Variants in CSMD2 observed in about 807,000 individuals in gnomAD.
CSMD2 encodes the protein CUB and Sushi multiple domains 2.
CSMD2 carries 130 observed loss-of-function variants against 398.5 expected under a neutral mutation model. The observed-to-expected ratio is 0.33, with a 90% CI of 0.28 to 0.38. The LOEUF is 0.38. Ranked by LOEUF, CSMD2 falls within the 10% of genes least tolerant of loss-of-function variation. The pLI is 1.00. For missense variants in CSMD2, 3,829 were observed against 4,764.9 expected (o/e 0.80, Z 5.78); for synonymous variants, 1,828 against 1,908.5 (o/e 0.96, Z 1.10).
intron 53 of CSMD2, among the ~76,000 whole-genome samples, chr1:33,566,676 A>G (rs953352333): frequency 1.3e-5 from 2 of 152,190 alleles, no homozygotes; most frequent in Non-Finnish European, 2.9e-5. Context: ...TAGCTAAAAA[A>G]TGTTAAAAGT....
At position 33,953,404 on chromosome 1, in the gene CSMD2, G is replaced by A. The variant is rs192569485; in HGVS notation, c.518-17450C>T. ...TTCTCTCACATGCCCCTGAATCCTC[G>A]CACAGTCTGTCTGTCCTGCAGCCTC... On this transcript the variant is annotated intron_variant, in intron 3 of 70. Transcript: ENST00000373381. 1.3e-4 allele frequency among the ~76,000 whole-genome samples: 20 copies of A among 152,188 alleles called. 1 individual carries two copies. Among genetic ancestry groups the A allele is most frequent in the African/African-American group, 3.9e-4 (16 of 41,500 alleles).
chr1:33,581,345 C>T (rs1638685748), intron 47 of CSMD2, among the ~76,000 whole-genome samples: 1 of 132,108 alleles, frequency 7.6e-6, no homozygotes, highest in South Asian at 2.4e-4. Flanking sequence ...AGCAAGACCC[C>T]ATCTTTACTA....
In CSMD2 at chr1:33,935,673, G is replaced by A. The variant is rs889974751; in HGVS notation, c.712+87C>T. 4 of 1,363,518 alleles carry A rather than the reference G, an allele frequency of 2.9e-6. No homozygotes were observed. The African/African-American group carries it at 5.8e-5, about 20-fold the overall frequency. The allele number at this position is 1,363,518 out of a possible 1,614,324, so 84.5% of individuals were successfully genotyped here. ...CCCCTCCCTGCTGGGGTGTAGCTTTGCCCTTTGAGACTGGATGTCACTGGA... is the reference window on the plus strand; with the variant it reads ...CCCCTCCCTGCTGGGGTGTAGCTTTACCCTTTGAGACTGGATGTCACTGGA... On this transcript the variant is annotated intron_variant, in intron 4 of 70. Coordinates refer to ENST00000373381, the MANE Select transcript of CSMD2 (RefSeq NM_001281956.2).
chr1:33,994,382 G>A (rs1028030689), intron 3 of CSMD2, among the ~76,000 whole-genome samples: 1 of 152,036 alleles, frequency 6.6e-6, no homozygotes, highest in African/African-American at 2.4e-5. Flanking sequence ...TCCAGAGCTA[G>A]CTGAGTGACC....
intron 29 of CSMD2, among the ~76,000 whole-genome samples, chr1:33,643,305 T>G (rs2148937072): frequency 6.6e-6 from 1 of 152,372 alleles, no homozygotes; most frequent in South Asian, 2.1e-4. Context: ...ATATTCATGT[T>G]ATAAATATCC....
chr1:33,608,554 A>G (rs1357021529), intron 41 of CSMD2, among the ~76,000 whole-genome samples: 1 of 152,196 alleles, frequency 6.6e-6, no homozygotes, highest in Non-Finnish European at 1.5e-5. Flanking sequence ...CAGGATCTTT[A>G]CCAAACTTAT....
chr1:33,928,853 A>G (rs912487824), intron 4 of CSMD2, among the ~76,000 whole-genome samples: 1 of 152,140 alleles, frequency 6.6e-6, no homozygotes, highest in African/African-American at 2.4e-5. Context: ...AAATTTGATC[A>G]ACACAATGGT....
intron 32 of CSMD2, among the ~76,000 whole-genome samples, chr1:33,631,062 A>AT (rs1642437997): frequency 6.6e-6 from 1 of 152,058 alleles, no homozygotes; most frequent in Non-Finnish European, 1.5e-5. Context: ...GCAGAGATTA[A>AT]TAAAAAAAAG....
chr1:33,777,695 A>G lies in CSMD2; in HGVS notation c.1664-4944T>C, dbSNP rs186555484. ...CTCTCTCCTTTTGCCTACCAAAAGC[A>G]AACTGGAAAACATGAGATGATTGCT... On this transcript the variant is annotated intron_variant, in intron 12 of 70. Transcript: ENST00000373381. 5.4e-4 allele frequency among the ~76,000 whole-genome samples: 82 copies of G among 152,320 alleles called. 2 individuals are homozygous for G. In the East Asian group the frequency reaches 0.015, roughly 29 times the overall value.
At chr1:34,135,781 TATATG>T (rs1274981131) in intron 1 of CSMD2, among the ~76,000 whole-genome samples, 1 of 152,066 alleles carries the variant, frequency 6.6e-6, no homozygotes, top group African/African-American at 2.4e-5. Context: ...CAGAGTAATG[TATATG>T]ATATATCTAC....
intron 36 of CSMD2, among the ~76,000 whole-genome samples, chr1:33,622,656 G>A (rs1413447915): frequency 6.6e-6 from 1 of 152,216 alleles, no homozygotes; most frequent in African/African-American, 2.4e-5. Flanking sequence ...GCCACCTAGA[G>A]TTCTGGGCCT....
intron 5 of CSMD2, among the ~76,000 whole-genome samples, chr1:33,857,492 G>A (rs962059793): frequency 4.6e-5 from 7 of 152,056 alleles, no homozygotes; most frequent in South Asian, 2.1e-4. Flanking sequence ...TGCTACAAAG[G>A]CCCTCTCTCG....
chr1:34,089,295 C>T (rs776831723), intron 1 of CSMD2, 102 bp from the exon 2 acceptor site: 1 of 1,133,114 alleles, frequency 8.8e-7, no homozygotes, highest in Non-Finnish European at 1.3e-6. Flanking sequence ...CCCACTTTTC[C>T]AAGTGCTTCC....
At chr1:33,856,589 C>T (rs1029252921) in intron 5 of CSMD2, among the ~76,000 whole-genome samples, 1 of 152,126 alleles carries the variant, frequency 6.6e-6, no homozygotes, top group Non-Finnish European at 1.5e-5. Flanking sequence ...CTGCCCACAT[C>T]AGTGTGTGCC....
intron 13 of CSMD2, among the ~76,000 whole-genome samples, chr1:33,755,844 G>C (rs1348171): frequency 7.3e-5 from 11 of 150,792 alleles, no homozygotes; most frequent in African/African-American, 2.7e-4. Flanking sequence ...AGATGTGTGT[G>C]TGCGGGGGGA....
chr1:33,902,775 G>C (rs1487121360), intron 5 of CSMD2, among the ~76,000 whole-genome samples: 2 of 152,176 alleles, frequency 1.3e-5, no homozygotes, highest in Non-Finnish European at 2.9e-5. Flanking sequence ...TAAGGCTTAA[G>C]AGGGGTCCCT....
At chr1:33,521,409 G>T in intron 68 of CSMD2, 54 bp downstream of exon 68, 2 of 1,151,170 alleles carry the variant, frequency 1.7e-6, no homozygotes, top group South Asian at 1.2e-5. Flanking sequence ...CGGCACACAC[G>T]GTTTCTCTCC....
At chr1:33,704,006 T>A (rs1272097865) in intron 22 of CSMD2, among the ~76,000 whole-genome samples, 1 of 152,204 alleles carries the variant, frequency 6.6e-6, no homozygotes, top group African/African-American at 2.4e-5. Context: ...CCTCTGTGCA[T>A]CCATGAGAAT....
At chr1:33,851,991 T>C (rs1021197225) in intron 5 of CSMD2, among the ~76,000 whole-genome samples, 1 of 152,064 alleles carries the variant, frequency 6.6e-6, no homozygotes. Flanking sequence ...TGAGCCAGCC[T>C]TTAAAGATTC....
Sources: allele counts gnomAD v4.1 joint callset (sites outside exome capture counted in the v4.1 genomes callset), GRCh38; gene constraint gnomAD v4.1.1; transcripts MANE v1.5; gene names NCBI Gene and HGNC (gene_info 2026-07-23, HGNC 2026-07-21).